The following CHST11 variants were observed in gnomAD, a reference collection of about 807,000 sequenced individuals.
CHST11 encodes carbohydrate sulfotransferase 11.
Under a neutral mutation model 30.4 loss-of-function variants are expected in CHST11, and 9 were observed. That is an observed-to-expected ratio of 0.30 (90% CI 0.18 to 0.52). The LOEUF (loss-of-function observed/expected upper bound fraction) is 0.52. CHST11 is among the 20% of genes least tolerant of loss of function. The pLI, the probability that CHST11 is intolerant of heterozygous loss-of-function variation, is 0.97. For synonymous variants in CHST11, 152 were observed against 187.8 expected (o/e 0.81, Z 1.56); for missense variants, 348 against 460.6 (o/e 0.76, Z 2.24).
At chr12:104,586,353 C>G (rs1211698657) in intron 1 of CHST11, among the ~76,000 whole-genome samples, 1 of 152,196 alleles carries the variant, frequency 6.6e-6, no homozygotes, top group Non-Finnish European at 1.5e-5. Flanking sequence ...CCGGGAGGGA[C>G]TGGAGCCCTG....
At chr12:104,481,288 G>A (rs372118010) in intron 1 of CHST11, among the ~76,000 whole-genome samples, 7 of 152,110 alleles carry the variant, frequency 4.6e-5, no homozygotes, top group East Asian at 1.9e-4. Flanking sequence ...TGCCTTATGA[G>A]CACCACACTC....
At chr12:104,519,164 A>G (rs1298743733) in intron 1 of CHST11, among the ~76,000 whole-genome samples, 2 of 151,692 alleles carry the variant, frequency 1.3e-5, no homozygotes, top group African/African-American at 4.8e-5. Context: ...CTTCTTATGA[A>G]CAAAAGTGCT....
At chr12:104,691,458 C>CG (rs561622849) in intron 2 of CHST11, among the ~76,000 whole-genome samples, 1 of 143,026 alleles carries the variant, frequency 7.0e-6, no homozygotes, top group African/African-American at 2.6e-5. Flanking sequence ...ATACTGGGGG[C>CG]GGGGGGGAAA....
chr12:104,490,384 C>T (rs1471282715), intron 1 of CHST11, among the ~76,000 whole-genome samples: 1 of 152,164 alleles, frequency 6.6e-6, no homozygotes, highest in African/African-American at 2.4e-5. Flanking sequence ...TGTGTGTTTC[C>T]TGTTTAAGGT....
At chr12:104,500,328 A>C (rs1190495690) in intron 1 of CHST11, among the ~76,000 whole-genome samples, 2 of 151,926 alleles carry the variant, frequency 1.3e-5, no homozygotes, top group African/African-American at 4.8e-5. Flanking sequence ...TTACATTGGG[A>C]GGTAAGAATT....
chr12:104,747,081 C>T (rs2040393628), intron 2 of CHST11, among the ~76,000 whole-genome samples: 1 of 152,244 alleles, frequency 6.6e-6, no homozygotes, highest in Admixed American at 6.5e-5. Context: ...CGGGCAGCCT[C>T]AGATTTCCAG....
intron 2 of CHST11, among the ~76,000 whole-genome samples, chr12:104,604,675 C>T (rs2038986641): frequency 1.3e-5 from 2 of 152,150 alleles, no homozygotes; most frequent in South Asian, 2.1e-4. Flanking sequence ...CTGCTGAGCC[C>T]GGAATGATGT....
chr12:104,758,102 A>G lies in CHST11; in HGVS notation c.*299A>G, dbSNP rs906017451. The G allele has an allele frequency of 9.0e-5, 20 of 221,320 alleles. No homozygotes were observed. The highest frequency in any genetic ancestry group is 3.9e-4 in the African/African-American group (17 of 43,472). The allele number at this position is 221,320 out of a possible 1,614,324, so 13.7% of individuals were successfully genotyped here. A position where few individuals can be genotyped will look rare whatever the true frequency, so the allele number is the denominator to read the frequency against. On this transcript the variant is annotated 3_prime_UTR_variant, in exon 3 of 3. Coordinates refer to ENST00000303694, the MANE Select transcript of CHST11 (RefSeq NM_018413.6). The stretch of plus-strand genomic sequence containing the variant: ...CCATAAATTCTAATTAATATTATTT[A>G]TAGTTATTTAAACATGGTCTCATTA...
At position 104,457,382 on chromosome 12, in the gene CHST11, C is replaced by A; in HGVS notation, c.-30C>A. The A allele has an allele frequency of 6.4e-7, 1 of 1,559,230 alleles. No homozygotes were observed. The highest frequency in any genetic ancestry group is 8.8e-7 in the Non-Finnish European group (1 of 1,132,212). ...CTGCGCCCCGGGCGCGCTTCCCGGA[C>A]ACCCCGGTCCCCGCAGCCAGGACAA... On this transcript the variant is annotated 5_prime_UTR_variant, in exon 1 of 3. Coordinates refer to ENST00000303694, the MANE Select transcript of CHST11 (RefSeq NM_018413.6).
chr12:104,712,660 G>A (rs1299322929), intron 2 of CHST11, among the ~76,000 whole-genome samples: 4 of 152,144 alleles, frequency 2.6e-5, no homozygotes, highest in South Asian at 2.1e-4. Context: ...ACTACCAGCC[G>A]AGAGAAATCC....
At chr12:104,548,756 G>A (rs772245131) in intron 1 of CHST11, among the ~76,000 whole-genome samples, 1 of 152,168 alleles carries the variant, frequency 6.6e-6, no homozygotes, top group Non-Finnish European at 1.5e-5. Flanking sequence ...TCATTCCTTA[G>A]GGCAGGGCCC....
intron 2 of CHST11, among the ~76,000 whole-genome samples, chr12:104,749,489 G>A (rs2040413711): frequency 6.6e-6 from 1 of 152,182 alleles, no homozygotes; most frequent in African/African-American, 2.4e-5. Flanking sequence ...GGGAGAGAAA[G>A]GGAATGTAAG....
intron 1 of CHST11, among the ~76,000 whole-genome samples, chr12:104,563,082 C>T (rs1355254628): frequency 6.6e-6 from 1 of 152,028 alleles, no homozygotes; most frequent in Non-Finnish European, 1.5e-5. Flanking sequence ...GCTCTGTTGC[C>T]AAGGCTGGAG....
intron 1 of CHST11, among the ~76,000 whole-genome samples, chr12:104,585,211 C>T (rs1158191997): frequency 1.3e-5 from 2 of 152,174 alleles, no homozygotes; most frequent in East Asian, 3.8e-4. Context: ...AGTACTTGTT[C>T]AACAGCCGCA....
At chr12:104,574,828 G>A (rs1257811438) in intron 1 of CHST11, among the ~76,000 whole-genome samples, 1 of 149,830 alleles carries the variant, frequency 6.7e-6, no homozygotes, top group Non-Finnish European at 1.5e-5. Flanking sequence ...TGTACATTGT[G>A]CACATGTACC....
intron 2 of CHST11, among the ~76,000 whole-genome samples, chr12:104,687,113 T>C (rs1268909819): frequency 6.6e-6 from 1 of 152,262 alleles, no homozygotes; most frequent in Non-Finnish European, 1.5e-5. Flanking sequence ...GCAACCTTTC[T>C]GGCCTTGCCA....
At chr12:104,642,649 C>T (rs185383757) in intron 2 of CHST11, among the ~76,000 whole-genome samples, 1 of 152,194 alleles carries the variant, frequency 6.6e-6, no homozygotes, top group Admixed American at 6.5e-5. Context: ...ATCCTCCTGC[C>T]TCAGCGTTCA....
At chr12:104,723,347 A>T (rs2136127947) in intron 2 of CHST11, among the ~76,000 whole-genome samples, 1 of 152,288 alleles carries the variant, frequency 6.6e-6, no homozygotes, top group East Asian at 1.9e-4. Context: ...CATAGTCAGG[A>T]CAGCCTGGCG....
At chr12:104,720,004 C>T (rs1449436855) in intron 2 of CHST11, among the ~76,000 whole-genome samples, 2 of 152,266 alleles carry the variant, frequency 1.3e-5, no homozygotes, top group South Asian at 4.1e-4. Flanking sequence ...TCCAGACTAA[C>T]GCTGGTGTCC....
Sources: gnomAD v4.1 joint callset for allele counts (sites outside exome capture counted in the v4.1 genomes callset) on GRCh38, gnomAD v4.1.1 for gene constraint, MANE v1.5 for transcripts, NCBI Gene and HGNC (gene_info 2026-07-23, HGNC 2026-07-21) for gene names.